The following DPP6 variants were observed in gnomAD, a reference collection of about 807,000 sequenced individuals.
DPP6 encodes dipeptidyl peptidase like 6.
DPP6 carries 69 observed loss-of-function variants against 122.6 expected under a neutral mutation model. The ratio of observed to expected loss-of-function variants is 0.56; its 90% CI spans 0.46 to 0.69. The LOEUF is 0.69. Among genes scored for constraint, DPP6 ranks in the 30% least tolerant of loss-of-function variants. The pLI is 0.00. For synonymous variants in DPP6, 418 were observed against 433.1 expected, an observed-to-expected ratio of 0.97 and a Z score of 0.43; for missense variants, 928 against 1,116.9, an observed-to-expected ratio of 0.83 and a Z score of 2.41.
the DPP6 span, among the ~76,000 whole-genome samples, chr7:153,773,330 A>ATATAT: frequency 5.0e-5 from 7 of 139,958 alleles, no homozygotes; most frequent in African/African-American, 7.9e-5. Context: ...ATATATATAT[A>ATATAT]TTTTTTTTTA....
At chr7:154,892,028 A>G (rs1290489419) in intron 25 of DPP6, among the ~76,000 whole-genome samples, 2 of 152,072 alleles carry the variant, frequency 1.3e-5, no homozygotes, top group African/African-American at 4.8e-5. Context: ...CCCACTGAGC[A>G]TTTGCTGTGC....
At position 154,234,062 on chromosome 7, in the gene DPP6, G is replaced by T. The variant is rs943867211; in HGVS notation, c.243+180999G>T. 2.6e-5 allele frequency among the ~76,000 whole-genome samples: 4 copies of T among 152,188 alleles called. 1 individual carries two copies. Among genetic ancestry groups the T allele is most frequent in the Non-Finnish European group, 5.9e-5 (4 of 68,042 alleles). ...CTTACTATTCAGTCAGCTATGGAAA[G>T]CATATTTGGGGTGGCTAGAAGATGC... On this transcript the variant is annotated intron_variant, in intron 1 of 25. Transcript: ENST00000377770.
intron 1 of DPP6, among the ~76,000 whole-genome samples, chr7:154,298,793 C>G (rs761971386): frequency 6.6e-6 from 1 of 152,124 alleles, no homozygotes; most frequent in Non-Finnish European, 1.5e-5. Context: ...CTCTTCCTCT[C>G]GAAGCCTGGG....
chr7:154,633,537 A>G (rs1266704952), intron 5 of DPP6, among the ~76,000 whole-genome samples: 1 of 152,228 alleles, frequency 6.6e-6, no homozygotes, highest in Non-Finnish European at 1.5e-5. Flanking sequence ...CTCCTGGCCT[A>G]GAGTCTATTA....
chr7:154,428,679 G>A lies in DPP6; in HGVS notation c.244-17535G>A, dbSNP rs549239055. The stretch of plus-strand genomic sequence containing the variant: ...AATACTACTCAGCCATAAAAATAAC[G>A]AAATAATGTCTTTTGCAGCAACTTG... On this transcript the variant is annotated intron_variant, in intron 1 of 25. Transcript: ENST00000377770. Among the ~76,000 whole-genome samples the A allele has an allele frequency of 1.1e-4, 16 of 152,238 alleles. No individual in the cohort carries two copies. The South Asian group carries it at 2.9e-3, about 28-fold the overall frequency.
In DPP6 at chr7:154,669,353, T is replaced by G; in HGVS notation, c.681-7T>G. On this transcript the variant is annotated splice_polypyrimidine_tract_variant and splice_region_variant and intron_variant, in intron 6 of 25. Transcript: ENST00000377770. ...GCTTTGTTTTTGTTTGTTTGTTCAATTTTCAGGGATCCTCAAAGTCTGGAC... is the reference window on the plus strand; with the variant it reads ...GCTTTGTTTTTGTTTGTTTGTTCAAGTTTCAGGGATCCTCAAAGTCTGGAC... 2.6e-6 allele frequency: 4 copies of G among 1,553,078 alleles called. No individual in the cohort carries two copies. The highest frequency in any genetic ancestry group is 3.5e-6 in the Non-Finnish European group (4 of 1,147,638).
At chr7:154,308,322 A>AT (rs397749691) in intron 1 of DPP6, among the ~76,000 whole-genome samples, 1 of 151,646 alleles carries the variant, frequency 6.6e-6, no homozygotes, top group Non-Finnish European at 1.5e-5. Flanking sequence ...GCTAAAAAAA[A>AT]TGTGTAAAAA....
chr7:154,218,135 T>G (rs1407744568), intron 1 of DPP6, among the ~76,000 whole-genome samples: 4 of 152,272 alleles, frequency 2.6e-5, no homozygotes, highest in African/African-American at 9.6e-5. Flanking sequence ...TGTGCTGAGA[T>G]GGATTATGCA....
chr7:154,090,973 TAGCC>T (rs1367249424), intron 1 of DPP6, among the ~76,000 whole-genome samples: 1 of 150,442 alleles, frequency 6.6e-6, no homozygotes, highest in African/African-American at 2.5e-5. Flanking sequence ...ACAAAAAAAT[TAGCC>T]AGGCGTGGTG....
rs571867860 is a variant in DPP6, at chr7:153,958,205, C to T, written c.51+70471C>T. On this transcript the variant is annotated intron_variant, in intron 1 of 25. Coordinates refer to the DPP6 transcript ENST00000404039. ...ACAAGCAGATAGACCACAAAATAGA[C>T]AATGGCTTGAACACAATAACTGCTT... Among the ~76,000 whole-genome samples the T allele has an allele frequency of 1.9e-4, 29 of 152,204 alleles. No homozygotes were observed. In the South Asian group the frequency reaches 5.8e-3, roughly 31 times the overall value.
At chr7:154,371,802 C>G (rs1484512207) in intron 1 of DPP6, among the ~76,000 whole-genome samples, 1 of 150,744 alleles carries the variant, frequency 6.6e-6, no homozygotes, top group South Asian at 2.1e-4. Context: ...TTTCCAAACA[C>G]CAAGCAAAGG....
chr7:154,060,837 C>G (rs1268268977), intron 1 of DPP6, among the ~76,000 whole-genome samples: 1 of 123,868 alleles, frequency 8.1e-6, no homozygotes, highest in Non-Finnish European at 1.7e-5. Flanking sequence ...TGAGAGCCAG[C>G]CCCTGTTCCC....
chr7:154,608,022 C>T (rs1833660956), intron 5 of DPP6, among the ~76,000 whole-genome samples: 2 of 119,838 alleles, frequency 1.7e-5, no homozygotes, highest in Non-Finnish European at 3.7e-5. Context: ...CTCTGTCACC[C>T]AGGCTGGAGT....
chr7:154,388,360 G>C (rs564686012), intron 1 of DPP6, among the ~76,000 whole-genome samples: 14 of 152,304 alleles, frequency 9.2e-5, no homozygotes, highest in African/African-American at 3.4e-4. Flanking sequence ...CATTGTTTAT[G>C]TTCTTTTGAG....
intron 1 of DPP6, among the ~76,000 whole-genome samples, chr7:153,984,053 A>AACACACACAC (rs528640069): frequency 1.4e-4 from 18 of 132,014 alleles, no homozygotes; most frequent in Admixed American, 3.8e-4. Context: ...TTCTGTCCAT[A>AACACACACAC]ACACACACAC....
intron 3 of DPP6, among the ~76,000 whole-genome samples, chr7:154,539,943 C>T (rs886133911): frequency 2.6e-5 from 4 of 151,828 alleles, no homozygotes; most frequent in African/African-American, 9.7e-5. Flanking sequence ...CATATGCATA[C>T]CATTTTGAGT....
chr7:153,892,677 T>C (rs1799257246), intron 1 of DPP6, among the ~76,000 whole-genome samples: 1 of 152,188 alleles, frequency 6.6e-6, no homozygotes, highest in South Asian at 2.1e-4. Flanking sequence ...ATTTTTCCTC[T>C]GTCTGAGGGT....
chr7:154,380,099 A>AC (rs1813464142), intron 1 of DPP6, among the ~76,000 whole-genome samples: 1 of 152,238 alleles, frequency 6.6e-6, no homozygotes, highest in African/African-American at 2.4e-5. Flanking sequence ...AAATTGAAAA[A>AC]ACACACACAA....
chr7:153,941,681 G>T lies in DPP6; in HGVS notation c.51+53947G>T, dbSNP rs988601132. 2.6e-5 allele frequency among the ~76,000 whole-genome samples: 4 copies of T among 152,164 alleles called. No homozygotes were observed. The South Asian group carries it at 6.2e-4, about 24-fold the overall frequency. On this transcript the variant is annotated intron_variant, in intron 1 of 25. Coordinates refer to the DPP6 transcript ENST00000404039. ...CAGCTCTGAGTCTTTTTCAGAAACG[G>T]GAATTCAAAGGATAAGGTTTTAAAT...
Sources: allele counts gnomAD v4.1 joint callset (sites outside exome capture counted in the v4.1 genomes callset), GRCh38; gene constraint gnomAD v4.1.1; transcripts MANE v1.5; gene names NCBI Gene and HGNC (gene_info 2026-07-23, HGNC 2026-07-21).